The following CSMD1 variants were observed in gnomAD, a reference collection of about 807,000 sequenced individuals.
CSMD1 encodes CUB and sushi domain-containing protein 1.
A neutral mutation model predicts 417.5 loss-of-function variants in CSMD1; 213 were observed. That is an observed-to-expected ratio of 0.51 (90% CI 0.46 to 0.57). The LOEUF is 0.57. Among genes scored for constraint, CSMD1 ranks in the 20% least tolerant of loss-of-function variants. The pLI is 0.00. For synonymous variants in CSMD1, 2,862 were observed against 1,736.8 expected (o/e 1.65, Z -16.11); for missense variants, 6,923 against 4,529.7 (o/e 1.53, Z -15.17).
Position 2,973,255 on chromosome 8 carries a change from C to T in CSMD1, c.8785G>A (p.Gly2929Arg). The T allele has an allele frequency of 6.2e-7, 1 of 1,613,982 alleles. No individual in the cohort carries two copies. Among genetic ancestry groups the T allele is most frequent in the East Asian group, 2.2e-5 (1 of 44,880 alleles). Residue 2929 changes from glycine (G) to arginine (R), a missense_variant, in exon 57 of 70, where the codon GGG becomes AGG. Coordinates refer to ENST00000635120, the MANE Select transcript of CSMD1 (RefSeq NM_033225.6). Reference sequence around the variant, plus strand: ...TTAAAGTCATCACCAAGCCGAGACCCATGTGCTGGGGTCCCCGGATCACCA... The same window carrying T: ...TTAAAGTCATCACCAAGCCGAGACCTATGTGCTGGGGTCCCCGGATCACCA... ...FCGDPGTPAH[G>R]SRLGDDFKTK... is the part of the protein sequence containing the mutation.
At chr8:4,694,446 G>A (rs1806985269) in intron 1 of CSMD1, among the ~76,000 whole-genome samples, 1 of 152,074 alleles carries the variant, frequency 6.6e-6, no homozygotes, top group African/African-American at 2.4e-5. Context: ...CTGCCTCCCG[G>A]ATTCAAGCGA....
At chr8:3,971,673 A>C (rs2627449) in intron 5 of CSMD1, among the ~76,000 whole-genome samples, 1 of 151,858 alleles carries the variant, frequency 6.6e-6, no homozygotes, top group South Asian at 2.1e-4. Flanking sequence ...ACATGGGGGT[A>C]CTCAGAGGGA....
At chr8:3,206,663 G>T (rs1229074392) in intron 30 of CSMD1, among the ~76,000 whole-genome samples, 1 of 131,664 alleles carries the variant, frequency 7.6e-6, no homozygotes, top group Non-Finnish European at 1.6e-5. Context: ...TGTGTGTGGG[G>T]GTATGTCTGT....
At chr8:3,085,571 A>G (rs1007063937) in intron 49 of CSMD1, among the ~76,000 whole-genome samples, 1 of 152,210 alleles carries the variant, frequency 6.6e-6, no homozygotes, top group African/African-American at 2.4e-5. Context: ...TTCCTTGGCC[A>G]CAGCTGTAAA....
chr8:4,232,181 T>C (rs1409575421), intron 3 of CSMD1, among the ~76,000 whole-genome samples: 2 of 152,158 alleles, frequency 1.3e-5, no homozygotes, highest in Admixed American at 6.5e-5. Flanking sequence ...TGAGAAACAC[T>C]TGTCCTTTAT....
At chr8:3,668,030 C>G (rs1798792851) in intron 7 of CSMD1, among the ~76,000 whole-genome samples, 1 of 152,148 alleles carries the variant, frequency 6.6e-6, no homozygotes, top group South Asian at 2.1e-4. Flanking sequence ...TGGCTTCTCC[C>G]CCAGTCCCCA....
At chr8:4,396,920 T>C (rs1052133692) in intron 3 of CSMD1, among the ~76,000 whole-genome samples, 3 of 151,996 alleles carry the variant, frequency 2.0e-5, no homozygotes, top group Non-Finnish European at 4.4e-5. Flanking sequence ...GACTACACCT[T>C]GGGTACAAGG....
chr8:3,674,522 T>G (rs375575845), intron 7 of CSMD1, among the ~76,000 whole-genome samples: 1 of 152,168 alleles, frequency 6.6e-6, no homozygotes, highest in African/African-American at 2.4e-5. Context: ...AATCATTAGA[T>G]AATTTAACAA....
chr8:3,664,669 T>C (rs917185549), intron 7 of CSMD1, among the ~76,000 whole-genome samples: 1 of 152,222 alleles, frequency 6.6e-6, no homozygotes, highest in Non-Finnish European at 1.5e-5. Flanking sequence ...CTCATTGCTT[T>C]TGCATCAAGA....
At chr8:4,210,040 T>C (rs1365176143) in intron 3 of CSMD1, among the ~76,000 whole-genome samples, 1 of 152,190 alleles carries the variant, frequency 6.6e-6, no homozygotes, top group East Asian at 1.9e-4. Flanking sequence ...TGGTCCAGTG[T>C]CTAAGCCCTG....
At chr8:4,505,682 G>A (rs1307086857) in intron 2 of CSMD1, among the ~76,000 whole-genome samples, 4 of 152,094 alleles carry the variant, frequency 2.6e-5, no homozygotes, top group East Asian at 1.9e-4. Context: ...TTTTGCTGAG[G>A]GAGTTCTAAG....
At chr8:4,284,559 A>G (rs1796958984) in intron 3 of CSMD1, among the ~76,000 whole-genome samples, 2 of 152,068 alleles carry the variant, frequency 1.3e-5, no homozygotes. Flanking sequence ...GCCAGCCCCA[A>G]CGTTTATTGG....
chr8:3,254,949 G>C (rs556854981), intron 26 of CSMD1, among the ~76,000 whole-genome samples: 1 of 152,258 alleles, frequency 6.6e-6, no homozygotes, highest in South Asian at 2.1e-4. Context: ...GAGGTGCTCT[G>C]ATTTTTAGAG....
intron 1 of CSMD1, among the ~76,000 whole-genome samples, chr8:4,856,088 G>C (rs1380877853): frequency 1.3e-5 from 2 of 152,158 alleles, no homozygotes; most frequent in Non-Finnish European, 2.9e-5. Flanking sequence ...CTGCAAGCCA[G>C]AAGAGAGTGG....
At position 3,672,950 on chromosome 8, in the gene CSMD1, C is replaced by G. The variant is rs190539859; in HGVS notation, c.1009+35464G>C. On this transcript the variant is annotated intron_variant, in intron 7 of 69. Coordinates refer to ENST00000635120, the MANE Select transcript of CSMD1 (RefSeq NM_033225.6). ...TCTTCACCCCAAGGAGAATCAATAA[C>G]TTATCTCGTTATTCCTATGCCTTAT... is the stretch of plus-strand genomic sequence containing the variant. Among the ~76,000 whole-genome samples, 4 of 152,314 alleles carry G rather than the reference C, an allele frequency of 2.6e-5. No homozygotes were observed. The East Asian group carries it at 7.7e-4, about 29-fold the overall frequency.
At chr8:3,709,678 A>ATTTTTTTTTTTTTTTTTT (rs1563296488) in intron 6 of CSMD1, among the ~76,000 whole-genome samples, 2 of 24,314 alleles carry the variant, frequency 8.2e-5, no homozygotes, top group Admixed American at 5.6e-4. Flanking sequence ...TTGCAGCAGC[A>ATTTTTTTTTTTTTTTTTT]TGTTTTTTTT....
At chr8:3,390,344 G>C (rs1022317745) in intron 17 of CSMD1, among the ~76,000 whole-genome samples, 4 of 95,916 alleles carry the variant, frequency 4.2e-5, no homozygotes, top group African/African-American at 1.7e-4. Flanking sequence ...GACAGAGCAA[G>C]ACTCTGTCTC....
intron 37 of CSMD1, among the ~76,000 whole-genome samples, chr8:3,171,652 A>T (rs1820591599): frequency 6.6e-6 from 1 of 152,214 alleles, no homozygotes; most frequent in Non-Finnish European, 1.5e-5. Flanking sequence ...TTGGTAGAAA[A>T]ACATCATGAA....
rs192375777 is a variant in CSMD1, at chr8:4,130,383, A to T, written c.416-98284T>A. 1.5e-3 allele frequency among the ~76,000 whole-genome samples: 224 copies of T among 152,198 alleles called. 3 individuals are homozygous for T. Among genetic ancestry groups the T allele is most frequent in the African/African-American group, 5.2e-3 (217 of 41,538 alleles). On this transcript the variant is annotated intron_variant, in intron 3 of 69. Coordinates refer to ENST00000635120, the MANE Select transcript of CSMD1 (RefSeq NM_033225.6). ...TGGAATTTGATCCTAATTCCTTGTA[A>T]AATATACTTTTGATCAACTTTTTTA...
Sources: gnomAD v4.1 joint callset for allele counts (sites outside exome capture counted in the v4.1 genomes callset) on GRCh38, gnomAD v4.1.1 for gene constraint, MANE v1.5 for transcripts, NCBI Gene and HGNC (gene_info 2026-07-23, HGNC 2026-07-21) for gene names.